ERCC6L2: variants seen among roughly 807,000 people sequenced by gnomAD.
ERCC6L2 encodes the protein ERCC excision repair 6 like 2, also known as DNA excision repair protein ERCC-6-like 2.
Under a neutral mutation model 132.0 loss-of-function variants are expected in ERCC6L2, and 77 were observed. The ratio of observed to expected loss-of-function variants is 0.58; its 90% CI spans 0.49 to 0.71. The LOEUF (loss-of-function observed/expected upper bound fraction) is 0.71, where lower values mean the gene tolerates loss of function less well. Ranked by LOEUF, ERCC6L2 falls within the 30% of genes least tolerant of loss-of-function variation. ERCC6L2 has a pLI of 0.00. For missense variants in ERCC6L2, 1,542 were observed against 1,837.6 expected (o/e 0.84, Z 2.94); for synonymous variants, 583 against 632.4 (o/e 0.92, Z 1.17).
chr9:95,955,745 T>A (rs545410618), intron 12 of ERCC6L2, among the ~76,000 whole-genome samples, 169 bp from the exon 13 acceptor site: 32 of 152,296 alleles, frequency 2.1e-4, no homozygotes, highest in African/African-American at 7.7e-4. Context: ...GCTTTTTATA[T>A]GAGTTTGAAT....
At chr9:95,967,975 G>A (rs1244144949) in intron 14 of ERCC6L2, 3 of 152,032 alleles carry the variant, frequency 2.0e-5, no homozygotes, top group Non-Finnish European at 2.9e-5. Context: ...TGTCATATAT[G>A]ACATAGTTAC....
intron 16 of ERCC6L2, 66 bp downstream of exon 16, chr9:95,973,154 C>T (rs41281214): frequency 0.018 from 18,667 of 1,062,026 alleles, 233 homozygotes; most frequent in South Asian, 0.033. Flanking sequence ...TTCTGTGAGA[C>T]GCTTTGAATT....
chr9:95,960,972 A>T (rs1309802509), intron 13 of ERCC6L2, among the ~76,000 whole-genome samples: 2 of 152,180 alleles, frequency 1.3e-5, no homozygotes, highest in African/African-American at 4.8e-5. Flanking sequence ...AAGAGGGAAC[A>T]CTTCCAACTT....
In ERCC6L2 at chr9:96,033,702, T is replaced by A. The variant is rs551403851; in HGVS notation, c.*1504-5174T>A. On this transcript the variant is annotated intron_variant and NMD_transcript_variant, in intron 19 of 20. Transcript: ENST00000670016. ...TGGGTCTTGGAAGAACACTATCCCTTCTGTTTCTATCCATGAAATAAAAGG... is the reference window on the plus strand; with the variant it reads ...TGGGTCTTGGAAGAACACTATCCCTACTGTTTCTATCCATGAAATAAAAGG... Among the ~76,000 whole-genome samples, 4 of 152,360 alleles carry A rather than the reference T, an allele frequency of 2.6e-5. No homozygotes were observed. In the East Asian group the frequency reaches 5.8e-4, roughly 22 times the overall value.
intron 13 of ERCC6L2, among the ~76,000 whole-genome samples, chr9:95,957,696 G>T (rs1305028551): frequency 6.6e-6 from 1 of 151,920 alleles, no homozygotes; most frequent in African/African-American, 2.4e-5. Flanking sequence ...CGCTTCAGAA[G>T]ATGAGGTAAT....
chr9:96,003,925 G>A (rs1357911127), intron 17 of ERCC6L2, among the ~76,000 whole-genome samples: 1 of 152,186 alleles, frequency 6.6e-6, no homozygotes, highest in Non-Finnish European at 1.5e-5. Flanking sequence ...CTCACTGTCA[G>A]TAAAATTTAT....
intron 12 of ERCC6L2, among the ~76,000 whole-genome samples, chr9:95,946,273 A>G (rs1831059786): frequency 6.6e-6 from 1 of 152,216 alleles, no homozygotes; most frequent in South Asian, 2.1e-4. Context: ...TCACACCTGT[A>G]ATCCCAGCAC....
chr9:96,002,246 G>A (rs932010930), intron 17 of ERCC6L2, among the ~76,000 whole-genome samples: 2 of 152,218 alleles, frequency 1.3e-5, no homozygotes, highest in Non-Finnish European at 2.9e-5. Context: ...GAGAGCAAGC[G>A]GGGGCTCTGA....
At position 95,916,261 on chromosome 9, in the gene ERCC6L2, T is replaced by C. The variant is rs377544589; in HGVS notation, c.985T>C (p.Phe329Leu). ...AGGCCTTTTAGGGAGTGGGACCTAC[T>C]TCAAGAAGCAGTTTTCTGACCCAGT... ...VPGLLGSGTY[F>L]KKQFSDPVEH... Residue 329 changes from phenylalanine (F) to leucine (L), a missense_variant, in exon 6 of 19, where the codon TTC (phenylalanine) becomes CTC (leucine). Physicochemically the swap from Phe to Leu is conservative, Grantham distance 22. Coordinates refer to ENST00000653738, the MANE Select transcript of ERCC6L2 (RefSeq NM_020207.7). 6 of 1,614,038 alleles carry C rather than the reference T, an allele frequency of 3.7e-6. No individual in the cohort carries two copies. The highest frequency in any genetic ancestry group is 5.1e-6 in the Non-Finnish European group (6 of 1,180,012).
intron 12 of ERCC6L2, among the ~76,000 whole-genome samples, chr9:95,955,127 C>T (rs1170559503): frequency 6.6e-6 from 1 of 152,106 alleles, no homozygotes; most frequent in South Asian, 2.1e-4. Flanking sequence ...GGGAATAGAC[C>T]TATAGTTAAA....
rs1834150120 is a variant in ERCC6L2 at position 96,015,015 on chromosome 9, G to GTTTTATTTTTT, written c.*1816_*1817insATTTTTTTTTT. Among the ~76,000 whole-genome samples the GTTTTATTTTTT allele has an allele frequency of 1.5e-5, 1 of 65,426 alleles. No individual in the cohort carries two copies. Among genetic ancestry groups the GTTTTATTTTTT allele is most frequent in the Non-Finnish European group, 2.6e-5 (1 of 37,998 alleles). 42.9% of individuals were successfully genotyped at this position (65,426 alleles called of 152,430 possible). A position where few individuals can be genotyped will look rare whatever the true frequency, so the allele number is the denominator to read the frequency against. ...GCTCTATAGTCTTCATATATGTACA[G>GTTTTATTTTTT]TTTTTTTTTTTTTTTTTTTTTTTTT... is the stretch of plus-strand genomic sequence containing the variant. On this transcript the variant is annotated 3_prime_UTR_variant, in exon 19 of 19. Transcript: ENST00000653738.
intron 12 of ERCC6L2, among the ~76,000 whole-genome samples, chr9:95,952,802 T>C (rs1831401346): frequency 6.6e-6 from 1 of 151,818 alleles, no homozygotes; most frequent in Non-Finnish European, 1.5e-5. Flanking sequence ...ATTGCAACAC[T>C]GTGCTCCAGC....
At chr9:95,990,424 G>A (rs1023102028) in intron 17 of ERCC6L2, among the ~76,000 whole-genome samples, 4 of 152,140 alleles carry the variant, frequency 2.6e-5, no homozygotes, top group Admixed American at 6.5e-5. Flanking sequence ...CCCAAGACTC[G>A]GAGGGGGGGT....
intron 6 of ERCC6L2, among the ~76,000 whole-genome samples, chr9:95,919,559 G>T (rs1018252042): frequency 1.3e-5 from 2 of 152,092 alleles, no homozygotes. Context: ...GACCTTTAAG[G>T]CTCATTACAC....
intron 18 of ERCC6L2, among the ~76,000 whole-genome samples, chr9:96,009,156 T>C (rs1162516359): frequency 6.6e-6 from 1 of 152,250 alleles, no homozygotes; most frequent in Non-Finnish European, 1.5e-5. Context: ...GCTTTTGGAA[T>C]GGACACAATG....
chr9:95,880,981 C>T lies in ERCC6L2; in HGVS notation c.159C>T (p.Val53=), dbSNP rs763321669. 20 of 1,613,704 alleles carry T rather than the reference C, an allele frequency of 1.2e-5. No individual in the cohort carries two copies. The highest frequency in any genetic ancestry group is 1.6e-4 in the Middle Eastern group (1 of 6,082). Reference sequence around the variant, plus strand: ...ATGAAAATGGCAAGTCATTTGCAGTCGTCTTATATGCAGATTTTCAAGAAA... The same window carrying T: ...ATGAAAATGGCAAGTCATTTGCAGTTGTCTTATATGCAGATTTTCAAGAAA... ...TVDENGKSFA[V]VLYADFQERK... is the part of the protein sequence containing the mutation. The change falls in exon 2 of 19, where the codon GTC becomes GTT. Residue 53 remains valine, a synonymous_variant. Transcript: ENST00000653738.
intron 18 of ERCC6L2, among the ~76,000 whole-genome samples, chr9:96,010,105 A>G (rs905677478): frequency 3.3e-5 from 5 of 152,262 alleles, no homozygotes; most frequent in Admixed American, 2.6e-4. Context: ...GGAACCTCTT[A>G]AGAACATGCT....
At chr9:95,889,403 T>C (rs1367696747) in intron 2 of ERCC6L2, among the ~76,000 whole-genome samples, 1 of 152,188 alleles carries the variant, frequency 6.6e-6, no homozygotes, top group Non-Finnish European at 1.5e-5. Flanking sequence ...GGTATCTCTC[T>C]TGTCTTTTCA....
intron 12 of ERCC6L2, among the ~76,000 whole-genome samples, chr9:95,953,910 A>T (rs1316691792): frequency 6.6e-6 from 1 of 152,216 alleles, no homozygotes; most frequent in East Asian, 1.9e-4. Flanking sequence ...ATAATACTTA[A>T]TATTTTGTGT....
Sources: gnomAD v4.1 joint callset for allele counts (sites outside exome capture counted in the v4.1 genomes callset) on GRCh38, gnomAD v4.1.1 for gene constraint, MANE v1.5 for transcripts, NCBI Gene and HGNC (gene_info 2026-07-23, HGNC 2026-07-21) for gene names.